The following MVB12B variants were observed in gnomAD, a reference collection of about 807,000 sequenced individuals.
MVB12B encodes the protein multivesicular body subunit 12B.
MVB12B carries 16 observed loss-of-function variants against 41.6 expected under a neutral mutation model. That is an observed-to-expected ratio of 0.38 (90% CI 0.26 to 0.58). The LOEUF is 0.58. Among genes scored for constraint, MVB12B ranks in the 20% least tolerant of loss-of-function variants. The pLI, the probability that MVB12B is intolerant of heterozygous loss-of-function variation, is 0.62. For synonymous variants in MVB12B, 133 were observed against 139.7 expected, an observed-to-expected ratio of 0.95 and a Z score of 0.34; for missense variants, 274 against 380.2, an observed-to-expected ratio of 0.72 and a Z score of 2.32.
chr9:126,330,235 C>T (rs1254204225), intron 1 of MVB12B, among the ~76,000 whole-genome samples: 1 of 151,878 alleles, frequency 6.6e-6, no homozygotes, highest in Non-Finnish European at 1.5e-5. Context: ...CTCATACTTC[C>T]CTTAGGACTG....
chr9:126,443,442 G>T (rs1054472350), intron 7 of MVB12B, among the ~76,000 whole-genome samples: 1 of 152,122 alleles, frequency 6.6e-6, no homozygotes, highest in Admixed American at 6.6e-5. Flanking sequence ...TAAAAAGTTT[G>T]TTCCTAGACC....
chr9:126,477,050 G>A (rs917450242), intron 7 of MVB12B, among the ~76,000 whole-genome samples: 16 of 152,084 alleles, frequency 1.1e-4, no homozygotes, highest in Non-Finnish European at 2.2e-4. Context: ...CTTGGCCCAC[G>A]GTTCTACAGG....
chr9:126,356,749 T>TGA (rs1829891339), intron 2 of MVB12B, among the ~76,000 whole-genome samples: 1 of 151,938 alleles, frequency 6.6e-6, no homozygotes, highest in Non-Finnish European at 1.5e-5. Context: ...GTGCTGTCCT[T>TGA]GAGAGAGAGA....
In MVB12B at chr9:126,391,097, G is replaced by C. The variant is rs1346587378; in HGVS notation, c.410-969G>C. The stretch of plus-strand genomic sequence containing the variant: ...GGCAGTTGGGGAACTGTGTGACCGA[G>C]GTCCTGGGCCGACGCCAGCAGAGCT... On this transcript the variant is annotated intron_variant, in intron 4 of 9. Transcript: ENST00000361171. This position sits in a 1 kb window ranked among gnomAD's most constrained non-coding sequence, Gnocchi z 4.4. 2.0e-5 allele frequency among the ~76,000 whole-genome samples: 3 copies of C among 152,230 alleles called. No individual in the cohort carries two copies. The highest frequency in any genetic ancestry group is 6.5e-5 in the Admixed American group (1 of 15,290).
At chr9:126,385,405 C>T (rs1211909809) in intron 3 of MVB12B, among the ~76,000 whole-genome samples, 1 of 152,130 alleles carries the variant, frequency 6.6e-6, no homozygotes, top group Non-Finnish European at 1.5e-5. Context: ...TAAGAACTCC[C>T]TGCTTGGCTT....
At chr9:126,471,681 G>T (rs1019345770) in intron 7 of MVB12B, among the ~76,000 whole-genome samples, 1 of 152,108 alleles carries the variant, frequency 6.6e-6, no homozygotes, top group Admixed American at 6.6e-5. Context: ...AGTTGTTGGC[G>T]TTTTCCCCAT....
intron 9 of MVB12B, among the ~76,000 whole-genome samples, chr9:126,491,773 A>T (rs1021835836): frequency 2.6e-5 from 4 of 152,172 alleles, no homozygotes; most frequent in Non-Finnish European, 5.9e-5. Context: ...AAGAAACCTA[A>T]CGAATTAGTA....
chr9:126,493,734 TTTGTGGTTC>T (rs1291827352), intron 9 of MVB12B, among the ~76,000 whole-genome samples: 1 of 152,258 alleles, frequency 6.6e-6, no homozygotes, highest in Non-Finnish European at 1.5e-5. Flanking sequence ...GCTTTCTGTC[TTTGTGGTTC>T]TTGTGAACGA....
chr9:126,408,768 C>G (rs1485236644), intron 6 of MVB12B, among the ~76,000 whole-genome samples: 1 of 152,088 alleles, frequency 6.6e-6, no homozygotes, highest in Non-Finnish European at 1.5e-5. Flanking sequence ...CACGTAGAAT[C>G]ACATAGTATC....
chr9:126,391,319 T>TGG lies in MVB12B; in HGVS notation c.410-746_410-745dup, dbSNP rs34271000. On this transcript the variant is annotated intron_variant, in intron 4 of 9. Coordinates refer to ENST00000361171, the MANE Select transcript of MVB12B (RefSeq NM_033446.3). The surrounding 1 kb of genome is among the most constrained non-coding windows in gnomAD (Gnocchi z 4.4). ...TGCCCTGAAGAAAAGGGAACAGGAG[T>TGG]GGTTGTTCCAGAGTCAAATGATCTG... is the stretch of plus-strand genomic sequence containing the variant. 6.6e-6 allele frequency among the ~76,000 whole-genome samples: 1 copy of TGG among 151,736 alleles called. No homozygotes were observed. The highest frequency in any genetic ancestry group is 1.9e-4 in the East Asian group (1 of 5,148).
chr9:126,418,017 G>A (rs1435863165), intron 6 of MVB12B, among the ~76,000 whole-genome samples: 1 of 152,228 alleles, frequency 6.6e-6, no homozygotes, highest in East Asian at 1.9e-4. Context: ...TTCTGGAGGA[G>A]AGGGGAAGTA....
chr9:126,366,979 AC>A, intron 2 of MVB12B, among the ~76,000 whole-genome samples: 1 of 151,922 alleles, frequency 6.6e-6, no homozygotes, highest in South Asian at 2.1e-4. Context: ...CCAACCTACA[AC>A]CACCCTTCTT....
rs534259217 is a variant in MVB12B, at chr9:126,376,586, A to T, written c.205-4478A>T. On this transcript the variant is annotated intron_variant, in intron 2 of 9. Transcript: ENST00000361171. The surrounding 1 kb of genome is among the most constrained non-coding windows in gnomAD (Gnocchi z 4.1). Reference sequence around the variant, plus strand: ...GGCGCTTTCCAGAGACAAAGCCCTCAGTGTCCAGTGTTCAGGGGAGGCGGC... The same window carrying T: ...GGCGCTTTCCAGAGACAAAGCCCTCTGTGTCCAGTGTTCAGGGGAGGCGGC... The T allele has an allele frequency of 1.6e-6, 2 of 1,289,284 alleles. No homozygotes were observed. Among genetic ancestry groups the T allele is most frequent in the Non-Finnish European group, 2.0e-6 (2 of 988,882 alleles). 79.9% of individuals were successfully genotyped at this position (1,289,284 alleles called of 1,614,324 possible). A position where few individuals can be genotyped will look rare whatever the true frequency, so the allele number is the denominator to read the frequency against.
In MVB12B at chr9:126,403,788, A is replaced by G. The variant is rs982521682; in HGVS notation, c.662+8091A>G. Among the ~76,000 whole-genome samples the G allele has an allele frequency of 6.4e-4, 97 of 152,302 alleles. 4 individuals are homozygous for G. Among genetic ancestry groups the G allele is most frequent in the Admixed American group, 5.9e-3 (91 of 15,302 alleles). ...GCTGACATGTGTTAGGCACCCAGAA[A>G]GTATTTATTGGATGCAGAAAATGAG... On this transcript the variant is annotated intron_variant, in intron 6 of 9. Coordinates refer to ENST00000361171, the MANE Select transcript of MVB12B (RefSeq NM_033446.3).
In MVB12B at chr9:126,434,381, C is replaced by T. The variant is rs1360940512; in HGVS notation, c.757+12433C>T. On this transcript the variant is annotated intron_variant, in intron 7 of 9. Transcript: ENST00000361171. ...AAGACAATGAATGATACAGAACTCTCCTCCAAGGTTGAGATCCTTTGTTAG... is the reference window on the plus strand; with the variant it reads ...AAGACAATGAATGATACAGAACTCTTCTCCAAGGTTGAGATCCTTTGTTAG... Among the ~76,000 whole-genome samples, 6 of 152,212 alleles carry T rather than the reference C, an allele frequency of 3.9e-5. No homozygotes were observed. In the East Asian group the frequency reaches 9.6e-4, roughly 24 times the overall value.
Position 126,376,433 on chromosome 9 carries a change from G to T in MVB12B, c.205-4631G>T. On this transcript the variant is annotated intron_variant, in intron 2 of 9. Coordinates refer to ENST00000361171, the MANE Select transcript of MVB12B (RefSeq NM_033446.3). This position sits in a 1 kb window ranked among gnomAD's most constrained non-coding sequence, Gnocchi z 4.1. ...AGTGCCTGGTGACCCTTTGTTGTGG[G>T]TTGGGATTTAAGATGGAGGCACCAG... 8.9e-7 allele frequency: 1 copy of T among 1,126,760 alleles called. No individual in the cohort carries two copies. The highest frequency in any genetic ancestry group is 1.2e-6 in the Non-Finnish European group (1 of 841,698). 69.8% of individuals were successfully genotyped at this position (1,126,760 alleles called of 1,614,324 possible).
chr9:126,351,950 A>G (rs1250742433), intron 2 of MVB12B, among the ~76,000 whole-genome samples: 1 of 151,982 alleles, frequency 6.6e-6, no homozygotes, highest in East Asian at 1.9e-4. Context: ...TAATATGATC[A>G]TGTGATTTTT....
intron 7 of MVB12B, among the ~76,000 whole-genome samples, chr9:126,469,994 TATG>T (rs1833277629): frequency 6.6e-6 from 1 of 152,238 alleles, no homozygotes; most frequent in South Asian, 2.1e-4. Context: ...CCTGGACTGC[TATG>T]ATGTTTAAAT....
chr9:126,439,380 A>G (rs914414900), intron 7 of MVB12B, among the ~76,000 whole-genome samples: 1 of 152,180 alleles, frequency 6.6e-6, no homozygotes, highest in African/African-American at 2.4e-5. Context: ...GGGACCTGAA[A>G]CACAGATTCT....
Sources: allele counts gnomAD v4.1 joint callset (sites outside exome capture counted in the v4.1 genomes callset), GRCh38; gene constraint gnomAD v4.1.1; non-coding constraint Gnocchi (gnomAD v3.1); transcripts MANE v1.5; gene names NCBI Gene and HGNC (gene_info 2026-07-23, HGNC 2026-07-21).